The following BANK1 variants were observed in gnomAD, a reference collection of about 807,000 sequenced individuals.
BANK1 encodes B-cell scaffold protein with ankyrin repeats.
In BANK1, 95 loss-of-function variants were observed where a neutral mutation model predicts 94.5. The ratio of observed to expected loss-of-function variants is 1.00; its 90% CI spans 0.85 to 1.19. The LOEUF (loss-of-function observed/expected upper bound fraction) is 1.19. BANK1 is among the 50% of genes most tolerant of loss of function. The pLI is 0.00. For missense variants in BANK1, 987 were observed against 932.2 expected, an observed-to-expected ratio of 1.06 and a Z score of -0.77; for synonymous variants, 334 against 308.4, an observed-to-expected ratio of 1.08 and a Z score of -0.87.
At chr4:101,949,591 T>C (rs1724061087) in intron 7 of BANK1, among the ~76,000 whole-genome samples, 1 of 152,152 alleles carries the variant, frequency 6.6e-6, no homozygotes, top group African/African-American at 2.4e-5. Context: ...AAAACTATTA[T>C]TTTATTGTGT....
intron 5 of BANK1, among the ~76,000 whole-genome samples, chr4:101,876,685 C>T (rs1390512693): frequency 6.6e-6 from 1 of 152,086 alleles, no homozygotes; most frequent in Non-Finnish European, 1.5e-5. Context: ...GAAAATATGA[C>T]CTCACCAAAT....
At position 101,985,363 on chromosome 4, in the gene BANK1, T is replaced by A. The variant is rs559417891; in HGVS notation, c.1207-36151T>A. 6.6e-5 allele frequency among the ~76,000 whole-genome samples: 10 copies of A among 152,300 alleles called. No homozygotes were observed. In the Middle Eastern group the frequency reaches 0.017, roughly 259 times the overall value. ...AATGTTAATTTCATCCAAAAACGCC[T>A]TCACAGATCCATCCAGAAATAATGT... On this transcript the variant is annotated intron_variant, in intron 7 of 16. Coordinates refer to ENST00000322953, the MANE Select transcript of BANK1 (RefSeq NM_017935.5).
At chr4:101,886,067 G>A (rs1176369171) in intron 5 of BANK1, among the ~76,000 whole-genome samples, 2 of 152,196 alleles carry the variant, frequency 1.3e-5, no homozygotes, top group Non-Finnish European at 2.9e-5. Context: ...TGTTGTATAT[G>A]AGGTCTGTCA....
intron 10 of BANK1, 146 bp downstream of exon 10, chr4:102,030,411 C>T (rs905097109): frequency 3.0e-5 from 22 of 722,646 alleles, no homozygotes; most frequent in Non-Finnish European, 4.7e-5. Context: ...GCTATACTGG[C>T]TCATTTTTTT....
Position 101,906,146 on chromosome 4 carries a change from G to C in BANK1, c.1009+10736G>C, listed in dbSNP as rs560108217. ...CTGCCCATCAAGTTTTAAATTGTAA[G>C]AACAGAGCAGGAGTAAGACAAGCTC... On this transcript the variant is annotated intron_variant, in intron 6 of 16. Transcript: ENST00000322953. Among the ~76,000 whole-genome samples the C allele has an allele frequency of 4.6e-5, 7 of 152,290 alleles. No homozygotes were observed. In the South Asian group the frequency reaches 1.5e-3, roughly 32 times the overall value.
At chr4:101,960,711 C>G (rs1724536821) in intron 7 of BANK1, among the ~76,000 whole-genome samples, 1 of 152,064 alleles carries the variant, frequency 6.6e-6, no homozygotes, top group African/African-American at 2.4e-5. Context: ...TCAGACGTAC[C>G]AAAACTTCAT....
chr4:101,840,042 C>A (rs1165752558), intron 2 of BANK1, among the ~76,000 whole-genome samples: 1 of 131,272 alleles, frequency 7.6e-6, no homozygotes, highest in Non-Finnish European at 1.6e-5. Context: ...GATCTCGGCT[C>A]ACTGCAAGCT....
At position 101,860,387 on chromosome 4, in the gene BANK1, C is replaced by A. The variant is rs548959795; in HGVS notation, c.625-2139C>A. 3.3e-5 allele frequency among the ~76,000 whole-genome samples: 5 copies of A among 151,750 alleles called. No individual in the cohort carries two copies. The East Asian group carries it at 9.7e-4, about 29-fold the overall frequency. ...TGTTTGTCTTTTGCTTAGAACATTT[C>A]TCTGGAAATGGTTGAAAGGTGGAGT... is the stretch of plus-strand genomic sequence containing the variant. On this transcript the variant is annotated intron_variant, in intron 3 of 16. Coordinates refer to ENST00000322953, the MANE Select transcript of BANK1 (RefSeq NM_017935.5).
At chr4:101,906,094 T>C (rs1722438188) in intron 6 of BANK1, among the ~76,000 whole-genome samples, 1 of 152,164 alleles carries the variant, frequency 6.6e-6, no homozygotes, top group African/African-American at 2.4e-5. Context: ...GCCTGGGCAT[T>C]GCGAGCAGCC....
intron 10 of BANK1, among the ~76,000 whole-genome samples, chr4:102,031,425 A>G (rs1468205550): frequency 6.6e-6 from 1 of 152,186 alleles, no homozygotes; most frequent in East Asian, 1.9e-4. Flanking sequence ...TTTGCTGTGC[A>G]GAAGCGCTTT....
intron 13 of BANK1, among the ~76,000 whole-genome samples, chr4:102,071,026 A>T (rs1365393060): frequency 6.6e-6 from 1 of 152,232 alleles, no homozygotes; most frequent in African/African-American, 2.4e-5. Flanking sequence ...TTAATGTCAA[A>T]CATATCTAAA....
intron 7 of BANK1, among the ~76,000 whole-genome samples, chr4:101,969,009 G>A (rs891487241): frequency 1.3e-5 from 2 of 152,038 alleles, no homozygotes; most frequent in African/African-American, 4.8e-5. Flanking sequence ...AAAGAATGCT[G>A]TTGTGAGATA....
rs77064742 is a variant in BANK1 at position 101,961,056 on chromosome 4, C to T, written c.1206+42867C>T. Among the ~76,000 whole-genome samples the T allele has an allele frequency of 5.7e-3, 866 of 152,252 alleles. 15 individuals carry two copies. Among genetic ancestry groups the T allele is most frequent in the East Asian group, 0.057 (293 of 5,180 alleles). ...ATGTAAGGGGAGGAAATGATGTCCC[C>T]TCTAAAATCTCCTTTCCCAGTTTTT... On this transcript the variant is annotated intron_variant, in intron 7 of 16. Transcript: ENST00000322953.
At chr4:101,855,313 A>G in intron 3 of BANK1, 124 bp downstream of exon 3, 2 of 856,326 alleles carry the variant, frequency 2.3e-6, no homozygotes, top group Non-Finnish European at 3.4e-6. Context: ...TCCTGGCCTC[A>G]AGAGATCCTC....
At chr4:102,016,332 G>A (rs1726697646) in intron 7 of BANK1, among the ~76,000 whole-genome samples, 1 of 152,234 alleles carries the variant, frequency 6.6e-6, no homozygotes, top group South Asian at 2.1e-4. Flanking sequence ...TGGGTATCCT[G>A]TATTTCCTGG....
chr4:102,007,080 AAAT>A (rs371690057), intron 7 of BANK1, among the ~76,000 whole-genome samples: 17,392 of 104,818 alleles, frequency 0.17, 1,981 homozygotes, highest in Non-Finnish European at 0.23. Context: ...ATATATATAT[AAAT>A]ATATATATAA....
At chr4:101,912,706 TC>T (rs941008026) in intron 6 of BANK1, among the ~76,000 whole-genome samples, 1 of 150,798 alleles carries the variant, frequency 6.6e-6, no homozygotes, top group African/African-American at 2.4e-5. Flanking sequence ...CTTAGGGGTT[TC>T]CCTAATCATT....
chr4:101,839,513 C>T lies in BANK1; in HGVS notation c.469+9307C>T, dbSNP rs567396243. Among the ~76,000 whole-genome samples the T allele has an allele frequency of 2.0e-5, 3 of 152,202 alleles. No homozygotes were observed. The East Asian group carries it at 5.8e-4, about 29-fold the overall frequency. ...CTCGTCAATCCATTTAATAGCTTCC[C>T]ATATGAGGAAGCTTACTCTTATTCA... On this transcript the variant is annotated intron_variant, in intron 2 of 16. Coordinates refer to ENST00000322953, the MANE Select transcript of BANK1 (RefSeq NM_017935.5).
At chr4:101,855,272 T>A in intron 3 of BANK1, 83 bp downstream of exon 3, 3 of 1,370,522 alleles carry the variant, frequency 2.2e-6, no homozygotes, top group Non-Finnish European at 3.0e-6. Context: ...AGAGACAGGG[T>A]CTCATTAGGT....
Sources: allele counts gnomAD v4.1 joint callset (sites outside exome capture counted in the v4.1 genomes callset), GRCh38; gene constraint gnomAD v4.1.1; transcripts MANE v1.5; gene names NCBI Gene and HGNC (gene_info 2026-07-23, HGNC 2026-07-21).